Variants in RP1L1 observed in about 807,000 individuals in gnomAD.
The protein encoded by RP1L1 is RP1 like 1, also known as retinitis pigmentosa 1-like 1 protein.
A neutral mutation model predicts 15.7 loss-of-function variants in RP1L1; 27 were observed. That is an observed-to-expected ratio of 1.72 (90% confidence interval 1.27 to 2.38). The LOEUF (loss-of-function observed/expected upper bound fraction) is 2.38, where lower values mean the gene tolerates loss of function less well. Ranked by LOEUF, RP1L1 falls within the 30% of genes most tolerant of loss-of-function variation. The pLI, the probability that RP1L1 is intolerant of heterozygous loss-of-function variation, is 0.00. For synonymous variants in RP1L1, 1,813 were observed against 1,276.7 expected (o/e 1.42, Z -8.96); for missense variants, 4,798 against 3,075.9 (o/e 1.56, Z -13.24).
intron 2 of RP1L1, among the ~76,000 whole-genome samples, chr8:10,617,282 T>C (rs941477768): frequency 2.6e-5 from 4 of 151,668 alleles, no homozygotes; most frequent in African/African-American, 7.3e-5. Context: ...GGGTTTGCAC[T>C]ATTGATGGGA....
chr8:10,610,101 C>A lies in RP1L1; in HGVS notation c.3997G>T (p.Glu1333Ter), dbSNP rs774767262. The A allele has an allele frequency of 4.7e-6, 7 of 1,477,232 alleles. 3 individuals carry two copies. Among genetic ancestry groups the A allele is most frequent in the South Asian group, 2.5e-5 (2 of 80,764 alleles). The allele number at this position is 1,477,232 out of a possible 1,614,324, so 91.5% of individuals were successfully genotyped here. A position where few individuals can be genotyped will look rare whatever the true frequency, so the allele number is the denominator to read the frequency against. ...EETKTEEGLQ[E>*]EGVQLEETKE... ...GTTTCCTCTAACTGCACCCCCTCTT[C>A]TTGCAGCCCTTCTTCTGTTTTAGTT... The change falls in exon 4 of 4, where the codon GAA becomes TAA. Residue 1333 changes from glutamate (E) to a stop codon, truncating the protein, a stop_gained. Coordinates refer to ENST00000382483, the MANE Select transcript of RP1L1 (RefSeq NM_178857.6). LOFTEE classifies it low-confidence loss of function (END_TRUNC).
intron 1 of RP1L1, among the ~76,000 whole-genome samples, chr8:10,636,135 C>T (rs1798326497): frequency 6.6e-6 from 1 of 152,246 alleles, no homozygotes; most frequent in Non-Finnish European, 1.5e-5. Flanking sequence ...TGTCAAATGA[C>T]TTATTTGCAA....
intron 1 of RP1L1, among the ~76,000 whole-genome samples, chr8:10,651,962 GT>G (rs1798569579): frequency 6.6e-6 from 1 of 152,092 alleles, no homozygotes; most frequent in African/African-American, 2.4e-5. Flanking sequence ...TATCTGTACT[GT>G]TTCTTTTCCA....
At chr8:10,615,603 A>C (rs528597595) in intron 3 of RP1L1, among the ~76,000 whole-genome samples, 2 of 152,180 alleles carry the variant, frequency 1.3e-5, no homozygotes, top group African/African-American at 2.4e-5. Flanking sequence ...ATCATGACTC[A>C]CTCAAGTCTC....
intron 3 of RP1L1, among the ~76,000 whole-genome samples, chr8:10,614,558 G>A (rs1797933224): frequency 6.6e-6 from 1 of 152,030 alleles, no homozygotes; most frequent in Non-Finnish European, 1.5e-5. Context: ...CCACTCGGGA[G>A]GCTGAGGCAC....
At chr8:10,651,761 A>AG (rs1798566394) in intron 1 of RP1L1, among the ~76,000 whole-genome samples, 1 of 151,574 alleles carries the variant, frequency 6.6e-6, no homozygotes, top group African/African-American at 2.4e-5. Context: ...GTCTTAAAAA[A>AG]AAAAAAAAAA....
Position 10,607,530 on chromosome 8 carries a change from G to C in RP1L1, c.6568C>G (p.Gln2190Glu). Residue 2190 changes from glutamine (Q) to glutamate (E), a missense_variant, in exon 4 of 4, where the codon CAG (glutamine) becomes GAG (glutamate). By Grantham distance (29) the Gln-to-Glu change is conservative. Transcript: ENST00000382483. The part of the protein sequence containing the change: ...VEAPEAEGEA[Q>E]PESEGIEAPE... Reference sequence around the variant, plus strand: ...GCCTCTATACCTTCTGACTCTGGCTGGGCCTCCCCTTCTGCCTCTGGGGCC... The same window carrying C: ...GCCTCTATACCTTCTGACTCTGGCTCGGCCTCCCCTTCTGCCTCTGGGGCC... 6.2e-7 allele frequency: 1 copy of C among 1,607,092 alleles called. No homozygotes were observed. The highest frequency in any genetic ancestry group is 8.5e-7 in the Non-Finnish European group (1 of 1,175,404).
intron 1 of RP1L1, among the ~76,000 whole-genome samples, chr8:10,636,416 C>T (rs1448101410): frequency 1.3e-5 from 2 of 152,214 alleles, no homozygotes; most frequent in Admixed American, 6.5e-5. Context: ...CTCTCTGAGC[C>T]AGTCACCATC....
Position 10,632,669 on chromosome 8 carries a change from A to G in RP1L1, c.-19-9449T>C, listed in dbSNP as rs147730231. ...ACTTTGGCTCCCCAGTGGGCAGCAC[A>G]GTGCACAGCACCTTGTAGGTGCTCG... On this transcript the variant is annotated intron_variant, in intron 1 of 3. Coordinates refer to ENST00000382483, the MANE Select transcript of RP1L1 (RefSeq NM_178857.6). Among the ~76,000 whole-genome samples the G allele has an allele frequency of 8.3e-4, 126 of 152,380 alleles. No individual in the cohort carries two copies. The Middle Eastern group carries it at 0.01, about 12-fold the overall frequency.
chr8:10,623,641 C>T (rs55942704), intron 1 of RP1L1, among the ~76,000 whole-genome samples: 12,305 of 151,238 alleles, frequency 0.081, 663 homozygotes, highest in Non-Finnish European at 0.13. Context: ...GTCATCATGT[C>T]CCCAGCATTG....
intron 1 of RP1L1, among the ~76,000 whole-genome samples, chr8:10,631,678 C>T (rs1798254720): frequency 6.6e-6 from 1 of 152,210 alleles, no homozygotes; most frequent in African/African-American, 2.4e-5. Context: ...CACAGCAAGG[C>T]TGGAGCTGGC....
rs1563131219 is a variant in RP1L1 at position 10,622,944 on chromosome 8, G to GC, written c.257dup (p.Leu87ProfsTer3). 6.2e-7 allele frequency: 1 copy of GC among 1,614,108 alleles called. No homozygotes were observed. On this transcript the variant is annotated frameshift_variant, in exon 2 of 4. Coordinates refer to ENST00000382483, the MANE Select transcript of RP1L1 (RefSeq NM_178857.6). LOFTEE classifies it high-confidence loss of function. ...GCTCCAGGGCGCTGAGGCTATGCAG[G>GC]CCCCGGGGTGTGGTGACAGAGCGCA...
At position 10,607,544 on chromosome 8, in the gene RP1L1, G is replaced by T; in HGVS notation, c.6554C>A (p.Ala2185Glu). 1 of 1,605,546 alleles carries T rather than the reference G, an allele frequency of 6.2e-7. No homozygotes were observed. ...PELEGVEAPE[A>E]EGEAQPESEG... ...TGACTCTGGCTGGGCCTCCCCTTCT[G>T]CCTCTGGGGCCTCTACACCTTCTAA... The change falls in exon 4 of 4, where the codon GCA (alanine) becomes GAA (glutamate). Residue 2185 changes from alanine to glutamate, a missense_variant. Physicochemically the swap from Ala to Glu is moderately radical, Grantham distance 107. Coordinates refer to ENST00000382483, the MANE Select transcript of RP1L1 (RefSeq NM_178857.6).
rs1563135483 is a variant in RP1L1 at position 10,631,399 on chromosome 8, A to ACACACG, written c.-19-8180_-19-8179insCGTGTG. On this transcript the variant is annotated intron_variant, in intron 1 of 3. Transcript: ENST00000382483. ...CACAAACACACATGCACACACACGCACACACACGCACACACGCACACACAC... is the reference window on the plus strand; with the variant it reads ...CACAAACACACATGCACACACACGCACACACGCACACACGCACACACGCACACACAC... Among the ~76,000 whole-genome samples, 277 of 147,798 alleles carry ACACACG rather than the reference A, an allele frequency of 1.9e-3. 1 individual carries two copies. Among genetic ancestry groups the ACACACG allele is most frequent in the Non-Finnish European group, 3.0e-3 (199 of 66,750 alleles).
chr8:10,651,194 C>T (rs1798554910), intron 1 of RP1L1, among the ~76,000 whole-genome samples: 1 of 146,592 alleles, frequency 6.8e-6, no homozygotes, highest in South Asian at 2.2e-4. Context: ...AGGTCTTGGG[C>T]CTGCAGTCTG....
rs1797755854 is a variant in RP1L1, at chr8:10,608,456, C to A, written c.5642G>T (p.Gly1881Val). 3 of 1,594,198 alleles carry A rather than the reference C, an allele frequency of 1.9e-6. No homozygotes were observed. Among genetic ancestry groups the A allele is most frequent in the Non-Finnish European group, 2.6e-6 (3 of 1,171,512 alleles). Residue 1881 changes from glycine (G) to valine (V), a missense_variant, in exon 4 of 4, where the codon GGA (glycine) becomes GTA (valine). Transcript: ENST00000382483. ...SEDVEAPEAE[G>V]EAQPESEDVE... is the part of the protein sequence containing the mutation. ...ATCTTCTGACTCTGGCTGGGCCTCT[C>A]CTTCTGCCTCTGGGGCCTCTACATC... is the stretch of plus-strand genomic sequence containing the variant.
rs769680118 is a variant in RP1L1 at position 10,612,189 on chromosome 8, C to T, written c.1909G>A (p.Gly637Arg). 1 of 1,613,390 alleles carries T rather than the reference C, an allele frequency of 6.2e-7. No individual in the cohort carries two copies. Among genetic ancestry groups the T allele is most frequent in the Non-Finnish European group, 8.5e-7 (1 of 1,180,026 alleles). The stretch of plus-strand genomic sequence containing the variant: ...GCCCGGCTTCTGTGCCTTCTCTGCC[C>T]CTGCTGGGATGAAGTGCAGGTGGAA... ...TPSTCTSSQQGQRRHRSRASA... is the reference protein window; with the variant it reads ...TPSTCTSSQQRQRRHRSRASA... Residue 637 changes from glycine (G) to arginine (R), a missense_variant, in exon 4 of 4, where the codon GGG (glycine) becomes AGG (arginine). Transcript: ENST00000382483.
intron 1 of RP1L1, among the ~76,000 whole-genome samples, chr8:10,632,685 T>A (rs1373025303): frequency 6.6e-6 from 1 of 152,244 alleles, no homozygotes; most frequent in Non-Finnish European, 1.5e-5. Flanking sequence ...CAGCACCTTG[T>A]AGGTGCTCGG....
Position 10,611,279 on chromosome 8 carries a change from G to A in RP1L1, c.2819C>T (p.Ala940Val). ...SGGGPQGQEE[A>V]SGVSPSSLPR... is the part of the protein sequence containing the mutation. ...CAGAGAGCTGGGTGACACACCACTG[G>A]CCTCCTCCTGCCCCTGGGGGCCTCC... The change falls in exon 4 of 4, where the codon GCC becomes GTC. Residue 940 changes from alanine (A) to valine (V), a missense_variant. By Grantham distance (64) the Ala-to-Val change is moderately conservative. Coordinates refer to ENST00000382483, the MANE Select transcript of RP1L1 (RefSeq NM_178857.6). The A allele has an allele frequency of 6.2e-7, 1 of 1,612,910 alleles. No homozygotes were observed. The highest frequency in any genetic ancestry group is 8.5e-7 in the Non-Finnish European group (1 of 1,180,002).
Sources: gnomAD v4.1 joint callset for allele counts (sites outside exome capture counted in the v4.1 genomes callset) on GRCh38, gnomAD v4.1.1 for gene constraint, MANE v1.5 for transcripts, NCBI Gene and HGNC (gene_info 2026-07-23, HGNC 2026-07-21) for gene names.